CFAP206: variants seen among roughly 807,000 people sequenced by gnomAD.
CFAP206 encodes cilia and flagella associated protein 206.
In CFAP206, 53 loss-of-function variants were observed where a neutral mutation model predicts 65.4. That is an observed-to-expected ratio of 0.81 (90% CI 0.65 to 1.02). The LOEUF (loss-of-function observed/expected upper bound fraction) is 1.02. Among genes scored for constraint, CFAP206 ranks in the 50% least tolerant of loss-of-function variants. The probability of loss-of-function intolerance (pLI) is 0.00; values close to 1 mark genes in which losing one functional copy is unlikely to be tolerated. For missense variants in CFAP206, 663 were observed against 753.2 expected (o/e 0.88, Z 1.40); for synonymous variants, 250 against 254.4 (o/e 0.98, Z 0.17).
At chr6:87,452,202 T>C (rs1292208976) in intron 11 of CFAP206, among the ~76,000 whole-genome samples, 1 of 152,218 alleles carries the variant, frequency 6.6e-6, no homozygotes, top group Non-Finnish European at 1.5e-5. Flanking sequence ...TCCCACATCT[T>C]ACCCAAGACC....
chr6:87,432,466 C>A (rs932660477), intron 10 of CFAP206, among the ~76,000 whole-genome samples: 2 of 152,158 alleles, frequency 1.3e-5, no homozygotes, highest in African/African-American at 4.8e-5. Flanking sequence ...CCCCTCCTGC[C>A]TCCCCCTCTC....
At chr6:87,447,184 T>A (rs1337908152) in intron 11 of CFAP206, among the ~76,000 whole-genome samples, 1 of 152,192 alleles carries the variant, frequency 6.6e-6, no homozygotes, top group Non-Finnish European at 1.5e-5. Context: ...CTTTATTTCT[T>A]TCTCTTGCCT....
chr6:87,417,863 C>G (rs191386378), intron 6 of CFAP206, among the ~76,000 whole-genome samples: 65 of 149,166 alleles, frequency 4.4e-4, no homozygotes, highest in Middle Eastern at 3.5e-3. Context: ...TCAAGTGATT[C>G]TCCTGTGCTG....
At position 87,422,343 on chromosome 6, in the gene CFAP206, G is replaced by A. The variant is rs368937365; in HGVS notation, c.840+3927G>A. ...TGCGAGCCTGTAATCCCAGCTACTCGAGAGGCTGAGGCAGGAGAATTTCTT... is the reference window on the plus strand; with the variant it reads ...TGCGAGCCTGTAATCCCAGCTACTCAAGAGGCTGAGGCAGGAGAATTTCTT... On this transcript the variant is annotated intron_variant, in intron 7 of 12. Coordinates refer to ENST00000369562, the MANE Select transcript of CFAP206 (RefSeq NM_001031743.3). Among the ~76,000 whole-genome samples the A allele has an allele frequency of 6.5e-4, 98 of 151,324 alleles. 5 individuals carry two copies. The South Asian group carries it at 0.019, about 29-fold the overall frequency.
intron 1 of CFAP206, chr6:87,408,467 T>TCCGGAGCGCGCACACAGAC (rs1767666233): frequency 7.2e-6 from 1 of 139,480 alleles, no homozygotes; most frequent in Non-Finnish European, 1.6e-5. Context: ...CGCACACAGA[T>TCCGGAGCGCGCACACAGAC]CCGGAGCGCG....
intron 9 of CFAP206, among the ~76,000 whole-genome samples, chr6:87,429,433 A>G (rs1768120173): frequency 6.6e-6 from 1 of 152,160 alleles, no homozygotes; most frequent in Non-Finnish European, 1.5e-5. Context: ...AAGAATATTA[A>G]TCATTGCTAT....
chr6:87,441,872 A>AG, intron 11 of CFAP206: 1 of 295,848 alleles, frequency 3.4e-6, no homozygotes, highest in Non-Finnish European at 6.6e-6. Context: ...AAACTTCAAC[A>AG]GGGGAACCAG....
intron 2 of CFAP206, among the ~76,000 whole-genome samples, chr6:87,410,279 C>T (rs1767711320): frequency 6.6e-6 from 1 of 152,160 alleles, no homozygotes. Flanking sequence ...GTTAACAATA[C>T]ACAATAAAAA....
intron 11 of CFAP206, among the ~76,000 whole-genome samples, chr6:87,455,952 C>T (rs1429103492): frequency 6.6e-6 from 1 of 152,140 alleles, no homozygotes; most frequent in Non-Finnish European, 1.5e-5. Flanking sequence ...AATATCAGTC[C>T]TACTCAAACT....
intron 4 of CFAP206, among the ~76,000 whole-genome samples, chr6:87,415,195 G>A (rs1767804205): frequency 6.6e-6 from 1 of 151,850 alleles, no homozygotes; most frequent in South Asian, 2.1e-4. Flanking sequence ...ATCTAGAACT[G>A]AAATAAAAAT....
chr6:87,461,311 G>A, intron 12 of CFAP206, 146 bp downstream of exon 12: 1 of 513,078 alleles, frequency 1.9e-6, no homozygotes, highest in East Asian at 3.7e-5. Flanking sequence ...TTTATAACTT[G>A]CTAGGTTTAC....
At position 87,418,242 on chromosome 6, in the gene CFAP206, C is replaced by T. The variant is rs1264738922; in HGVS notation, c.666C>T (p.Thr222=). The T allele has an allele frequency of 1.2e-6, 2 of 1,614,004 alleles. No individual in the cohort carries two copies. The highest frequency in any genetic ancestry group is 1.7e-6 in the Non-Finnish European group (2 of 1,180,046). ...TTCTCCATGTAGCAATCCCAGCCAC[C>T]ATGCAGCATATTGATTACCAGCTTG... ...PAVLHVAIPA[T]MQHIDYQLET... The change falls in exon 7 of 13, where the codon ACC becomes ACT. Residue 222 remains threonine (T), a synonymous_variant. Coordinates refer to ENST00000369562, the MANE Select transcript of CFAP206 (RefSeq NM_001031743.3).
chr6:87,451,681 A>G lies in CFAP206; in HGVS notation c.1495-9341A>G, dbSNP rs529938500. 2.0e-5 allele frequency among the ~76,000 whole-genome samples: 3 copies of G among 152,048 alleles called. No individual in the cohort carries two copies. In the South Asian group the frequency reaches 6.2e-4, roughly 32 times the overall value. On this transcript the variant is annotated intron_variant, in intron 11 of 12. Transcript: ENST00000369562. The stretch of plus-strand genomic sequence containing the variant: ...AACGGCTTTATCTTGCAACTTGGGT[A>G]CCAGCTCAGTCACAGTATAATAAAG...
At chr6:87,408,158 G>A in intron 1 of CFAP206, 69 bp downstream of exon 1, 1 of 821,730 alleles carries the variant, frequency 1.2e-6, no homozygotes, top group Non-Finnish European at 1.5e-6. Flanking sequence ...GCTTGGGGCG[G>A]CTGGCGGAGC....
Position 87,451,868 on chromosome 6 carries a change from T to C in CFAP206, c.1495-9154T>C, listed in dbSNP as rs185228764. ...GCCTGGGCGACAGAGCGAGACTCCA[T>C]CTCAAAAGAAAAAAAAAAAAAATTC... is the stretch of plus-strand genomic sequence containing the variant. On this transcript the variant is annotated intron_variant, in intron 11 of 12. Transcript: ENST00000369562. Among the ~76,000 whole-genome samples, 71 of 136,464 alleles carry C rather than the reference T, an allele frequency of 5.2e-4. No individual in the cohort carries two copies. The East Asian group carries it at 0.012, about 24-fold the overall frequency. 89.5% of individuals were successfully genotyped at this position (136,464 alleles called of 152,430 possible). A position where few individuals can be genotyped will look rare whatever the true frequency, so the allele number is the denominator to read the frequency against.
intron 9 of CFAP206, among the ~76,000 whole-genome samples, chr6:87,429,398 ATT>A (rs1265841568): frequency 5.3e-5 from 8 of 152,266 alleles, no homozygotes; most frequent in Non-Finnish European, 1.2e-4. Context: ...AGTCCTAGTA[ATT>A]TTATTATTGA....
intron 11 of CFAP206, among the ~76,000 whole-genome samples, chr6:87,459,568 A>T (rs111567434): frequency 6.6e-6 from 1 of 152,190 alleles, no homozygotes. Flanking sequence ...TCAAAAGAGA[A>T]CCCTAAGAAC....
intron 9 of CFAP206, among the ~76,000 whole-genome samples, chr6:87,429,318 T>C (rs575217255): frequency 6.6e-6 from 1 of 152,110 alleles, no homozygotes; most frequent in South Asian, 2.1e-4. Context: ...TGTCCAGCAA[T>C]AACCATTCGT....
At chr6:87,452,634 A>G (rs1397458445) in intron 11 of CFAP206, among the ~76,000 whole-genome samples, 1 of 152,126 alleles carries the variant, frequency 6.6e-6, no homozygotes, top group African/African-American at 2.4e-5. Flanking sequence ...AATTTAACAA[A>G]GAGATTGAAA....
Sources: allele counts gnomAD v4.1 joint callset (sites outside exome capture counted in the v4.1 genomes callset), GRCh38; gene constraint gnomAD v4.1.1; transcripts MANE v1.5; gene names NCBI Gene and HGNC (gene_info 2026-07-23, HGNC 2026-07-21).